The following AR variants were observed in gnomAD, a reference collection of about 807,000 sequenced individuals.
AR encodes androgen receptor.
In AR, 8 loss-of-function variants were observed where a neutral mutation model predicts 53.9. The ratio of observed to expected loss-of-function variants is 0.15; its 90% CI spans 0.09 to 0.27. The LOEUF is 0.27. AR is among the 10% of genes least tolerant of loss of function. The pLI, the probability that AR is intolerant of heterozygous loss-of-function variation, is 1.00. For missense variants in AR, 639 were observed against 742.5 expected, an observed-to-expected ratio of 0.86 and a Z score of 1.62; for synonymous variants, 359 against 316.4, an observed-to-expected ratio of 1.13 and a Z score of -1.43.
At chrX:67,565,532 AC>A (rs1390650322) in intron 1 of AR, among the ~76,000 whole-genome samples, 1 of 111,841 alleles carries the variant, frequency 8.9e-6, no homozygotes, top group Non-Finnish European at 1.9e-5. Context: ...CTTGAAATCT[AC>A]CAAGTACTTT....
At chrX:67,660,601 GT>G (rs1926847741) in intron 2 of AR, among the ~76,000 whole-genome samples, 1 of 111,796 alleles carries the variant, frequency 8.9e-6, no homozygotes, top group Non-Finnish European at 1.9e-5. Flanking sequence ...GTACCATGCT[GT>G]TTTGGCTACT....
intron 2 of AR, among the ~76,000 whole-genome samples, chrX:67,681,434 C>T (rs1416354828): frequency 1.8e-5 from 2 of 112,054 alleles, no homozygotes; most frequent in Non-Finnish European, 3.8e-5. Context: ...ACACTCAGAA[C>T]GCTTTGTCTT....
intron 1 of AR, among the ~76,000 whole-genome samples, chrX:67,626,602 G>A (rs1344192286): frequency 1.4e-4 from 10 of 69,578 alleles, no homozygotes; most frequent in Admixed American, 1.0e-3. Flanking sequence ...CACCATGCCC[G>A]ACTAATTTTA....
intron 1 of AR, among the ~76,000 whole-genome samples, chrX:67,602,632 G>A (rs1197811773): frequency 9.0e-6 from 1 of 111,554 alleles, no homozygotes; most frequent in Non-Finnish European, 1.9e-5. Context: ...CTGGCTGACA[G>A]CCAGTAAGAA....
At chrX:67,718,528 C>A (rs1192691653) in intron 5 of AR, among the ~76,000 whole-genome samples, 2 of 111,601 alleles carry the variant, frequency 1.8e-5, no homozygotes, top group Admixed American at 9.5e-5. Flanking sequence ...TAAGTAATTT[C>A]TTATGATAAC....
At chrX:67,721,062 T>G (rs745926115) in intron 5 of AR, among the ~76,000 whole-genome samples, 25 of 111,401 alleles carry the variant, frequency 2.2e-4, no homozygotes, top group Non-Finnish European at 4.3e-4. Flanking sequence ...AATTTATAGG[T>G]GATAATGTGG....
chrX:67,643,385 C>T lies in AR; in HGVS notation c.1746C>T (p.Val582=), dbSNP rs145171897. 3.6e-5 allele frequency: 44 copies of T among 1,209,169 alleles called. No homozygotes were observed. The African/African-American group carries it at 6.6e-4, about 18-fold the overall frequency. The change falls in exon 2 of 8, where the codon GTC becomes GTT. Residue 582 remains valine (V), a synonymous_variant. Coordinates refer to ENST00000374690, the MANE Select transcript of AR (RefSeq NM_000044.6). ...YGALTCGSCK[V]FFKRAAEGKQ... ...CTCTCACATGTGGAAGCTGCAAGGTCTTCTTCAAAAGAGCCGCTGAAGGTA... is the reference window on the plus strand; with the variant it reads ...CTCTCACATGTGGAAGCTGCAAGGTTTTCTTCAAAAGAGCCGCTGAAGGTA...
chrX:67,664,037 G>A (rs947490140), intron 2 of AR, among the ~76,000 whole-genome samples: 22 of 111,204 alleles, frequency 2.0e-4, no homozygotes, highest in Non-Finnish European at 5.7e-5. Context: ...TTTTTTCAAG[G>A]TTTTTAACTT....
chrX:67,692,440 A>G (rs1204363624), intron 3 of AR, among the ~76,000 whole-genome samples: 1 of 112,461 alleles, frequency 8.9e-6, no homozygotes, highest in Non-Finnish European at 1.9e-5. Context: ...CAACATGTGC[A>G]ACTTGTGACT....
intron 1 of AR, among the ~76,000 whole-genome samples, chrX:67,579,004 TA>T (rs1297897317): frequency 8.9e-6 from 1 of 111,764 alleles, no homozygotes. Context: ...TATCTGTTCA[TA>T]AACATTCTCT....
chrX:67,673,948 G>C (rs376064768), intron 2 of AR, among the ~76,000 whole-genome samples: 1 of 110,936 alleles, frequency 9.0e-6, no homozygotes, highest in East Asian at 2.9e-4. Context: ...GACTTTCCAA[G>C]TATTCGAAGG....
Position 67,545,791 on chromosome X carries a change from G to T in AR, c.645G>T (p.Ser215=), listed in dbSNP as rs756400174. ...GSSSGRAREA[S]GAPTSSKDNY... Reference sequence around the variant, plus strand: ...GCAGCGGGAGAGCGAGGGAGGCCTCGGGGGCTCCCACTTCCTCCAAGGACA... The same window carrying T: ...GCAGCGGGAGAGCGAGGGAGGCCTCTGGGGCTCCCACTTCCTCCAAGGACA... Residue 215 remains serine, a synonymous_variant, in exon 1 of 8, where the codon TCG becomes TCT. Transcript: ENST00000374690. 2.5e-6 allele frequency: 3 copies of T among 1,211,975 alleles called. No individual in the cohort carries two copies. Among genetic ancestry groups the T allele is most frequent in the Non-Finnish European group, 3.4e-6 (3 of 895,482 alleles).
At chrX:67,658,710 G>C (rs1926707813) in intron 2 of AR, among the ~76,000 whole-genome samples, 1 of 112,001 alleles carries the variant, frequency 8.9e-6, no homozygotes, top group Non-Finnish European at 1.9e-5. Flanking sequence ...CAAGGCCAAA[G>C]GGGACGTCCT....
At position 67,545,621 on chromosome X, in the gene AR, G is replaced by A. The variant is rs370215797; in HGVS notation, c.475G>A (p.Ala159Thr). The change falls in exon 1 of 8, where the codon GCT (alanine) becomes ACT (threonine). Residue 159 changes from alanine to threonine, a missense_variant. Around this residue, in one of 5 missense-constraint regions of AR, gnomAD observed 423 missense variants for 377.0 expected, o/e 1.12. Coordinates refer to ENST00000374690, the MANE Select transcript of AR (RefSeq NM_000044.6). ...AGCACCTCCGGACGAGGATGACTCA[G>A]CTGCCCCATCCACGTTGTCCCTGCT... The part of the protein sequence containing the change: ...LPAPPDEDDS[A>T]APSTLSLLGP... The A allele has an allele frequency of 1.8e-4, 215 of 1,189,197 alleles. No individual in the cohort carries two copies. Among genetic ancestry groups the A allele is most frequent in the Non-Finnish European group, 2.2e-4 (194 of 884,753 alleles).
intron 3 of AR, among the ~76,000 whole-genome samples, chrX:67,708,615 G>C (rs185277946): frequency 1.3e-4 from 14 of 111,759 alleles, no homozygotes; most frequent in African/African-American, 4.5e-4. Context: ...GGAGAAATTT[G>C]GTCATCTGAA....
intron 3 of AR, among the ~76,000 whole-genome samples, chrX:67,704,573 A>C (rs756614117): frequency 1.8e-5 from 2 of 111,481 alleles, no homozygotes; most frequent in South Asian, 3.8e-4. Context: ...TAGATGGAAA[A>C]AATTTTCTCC....
At chrX:67,622,971 G>T (rs1924447535) in intron 1 of AR, among the ~76,000 whole-genome samples, 1 of 111,230 alleles carries the variant, frequency 9.0e-6, no homozygotes, top group South Asian at 3.8e-4. Context: ...TAGCAGAGCT[G>T]TCCCTTTATA....
chrX:67,710,935 C>T lies in AR; in HGVS notation c.1886-467C>T, dbSNP rs374544328. ...GTTGATGCCTCCATTGCAGCATTTTCCAGTCCAACGTTTTCTAGAATTGAT... is the reference window on the plus strand; with the variant it reads ...GTTGATGCCTCCATTGCAGCATTTTTCAGTCCAACGTTTTCTAGAATTGAT... On this transcript the variant is annotated intron_variant, in intron 3 of 7. Coordinates refer to ENST00000374690, the MANE Select transcript of AR (RefSeq NM_000044.6). Among the ~76,000 whole-genome samples the T allele has an allele frequency of 1.7e-4, 19 of 112,338 alleles. No individual in the cohort carries two copies. The South Asian group carries it at 6.7e-3, about 39-fold the overall frequency.
At chrX:67,617,811 A>G (rs1303243767) in intron 1 of AR, among the ~76,000 whole-genome samples, 1 of 111,676 alleles carries the variant, frequency 9.0e-6, no homozygotes, top group African/African-American at 3.3e-5. Flanking sequence ...CCACTCCAGT[A>G]TACTAAGGCA....
Sources: allele counts gnomAD v4.1 joint callset (sites outside exome capture counted in the v4.1 genomes callset), GRCh38; gene constraint gnomAD v4.1.1; regional missense constraint gnomAD v4.1.1; transcripts MANE v1.5; gene names NCBI Gene and HGNC (gene_info 2026-07-23, HGNC 2026-07-21).